PKD1L1: variants seen among roughly 807,000 people sequenced by gnomAD.
PKD1L1 encodes polycystin-1-like protein 1.
PKD1L1 carries 236 observed loss-of-function variants against 323.4 expected under a neutral mutation model. The ratio of observed to expected loss-of-function variants is 0.73; its 90% CI spans 0.66 to 0.81. PKD1L1 has a LOEUF of 0.81. PKD1L1 is among the 40% of genes least tolerant of loss of function. PKD1L1 has a pLI of 0.00. For missense variants in PKD1L1, 3,320 were observed against 3,508.0 expected (o/e 0.95, Z 1.35); for synonymous variants, 1,344 against 1,335.0 (o/e 1.01, Z -0.15).
intron 56 of PKD1L1, among the ~76,000 whole-genome samples, chr7:47,786,534 G>A (rs537164171): frequency 1.3e-5 from 2 of 152,150 alleles, no homozygotes; most frequent in Non-Finnish European, 2.9e-5. Flanking sequence ...TAGGTGCTAA[G>A]GAATTACACT....
intron 54 of PKD1L1, among the ~76,000 whole-genome samples, chr7:47,797,759 G>A (rs1299672089): frequency 6.6e-6 from 1 of 152,192 alleles, no homozygotes; most frequent in Non-Finnish European, 1.5e-5. Flanking sequence ...GAGTGGAACT[G>A]CTCATCAAGG....
chr7:47,815,945 A>G (rs1785008007), intron 46 of PKD1L1, among the ~76,000 whole-genome samples: 1 of 152,178 alleles, frequency 6.6e-6, no homozygotes, highest in Non-Finnish European at 1.5e-5. Flanking sequence ...ATGTCTAGCA[A>G]AGACCTGAAG....
chr7:47,802,083 C>T (rs6946939), intron 53 of PKD1L1, among the ~76,000 whole-genome samples: 21,129 of 150,588 alleles, frequency 0.14, 1,806 homozygotes, highest in African/African-American at 0.24. Context: ...CCCAGCTACT[C>T]GGGAGGCTGA....
intron 31 of PKD1L1, among the ~76,000 whole-genome samples, chr7:47,852,173 T>A (rs1248482685): frequency 6.6e-6 from 1 of 152,266 alleles, no homozygotes; most frequent in East Asian, 1.9e-4. Context: ...CCCACCCACA[T>A]GTGCACACCT....
the PKD1L1 span, among the ~76,000 whole-genome samples, chr7:47,954,607 A>ATT: frequency 6.6e-6 from 1 of 151,730 alleles, no homozygotes; most frequent in South Asian, 2.1e-4. Context: ...AACTGTAATT[A>ATT]CTCTTTTCTT....
the PKD1L1 span, among the ~76,000 whole-genome samples, chr7:47,957,854 TAA>T: frequency 4.1e-3 from 485 of 118,078 alleles, 8 homozygotes; most frequent in African/African-American, 0.013. Flanking sequence ...ACAATACAAT[TAA>T]AAAAAAATAT....
At chr7:47,863,999 T>C (rs1226165069) in intron 26 of PKD1L1, among the ~76,000 whole-genome samples, 1 of 152,194 alleles carries the variant, frequency 6.6e-6, no homozygotes, top group African/African-American at 2.4e-5. Flanking sequence ...TAGAGGGATT[T>C]TTTTTTAAAA....
chr7:47,883,086 C>T (rs1391232246), intron 19 of PKD1L1, among the ~76,000 whole-genome samples: 1 of 152,162 alleles, frequency 6.6e-6, no homozygotes, highest in African/African-American at 2.4e-5. Flanking sequence ...TTTCTTCATT[C>T]AGTTGTATTG....
At chr7:47,802,407 C>T (rs1784683470) in intron 53 of PKD1L1, among the ~76,000 whole-genome samples, 1 of 152,148 alleles carries the variant, frequency 6.6e-6, no homozygotes, top group South Asian at 2.1e-4. Context: ...GGTTCAAATG[C>T]TGCTCTCTCT....
In PKD1L1 at chr7:47,906,057, TC is replaced by T; in HGVS notation, c.1403-96del. 1.6e-6 allele frequency: 2 copies of T among 1,228,584 alleles called. 1 individual carries two copies. Among genetic ancestry groups the T allele is most frequent in the South Asian group, 3.9e-5 (2 of 51,020 alleles). The allele number at this position is 1,228,584 out of a possible 1,614,324, so 76.1% of individuals were successfully genotyped here. On this transcript the variant is annotated intron_variant, in intron 9 of 56. Coordinates refer to ENST00000289672, the MANE Select transcript of PKD1L1 (RefSeq NM_138295.5). ...AGTCAGTATTTTTCATTTTTAACTT[TC>T]CCCCTTTGAATCTCAATAAATTTCA...
chr7:47,907,772 A>C (rs1274059427), intron 9 of PKD1L1, among the ~76,000 whole-genome samples: 1 of 152,148 alleles, frequency 6.6e-6, no homozygotes, highest in Non-Finnish European at 1.5e-5. Flanking sequence ...AAAATCTCCC[A>C]GCCCCTTAGC....
At chr7:47,868,956 A>G (rs574414197) in intron 24 of PKD1L1, among the ~76,000 whole-genome samples, 7 of 152,232 alleles carry the variant, frequency 4.6e-5, no homozygotes, top group Non-Finnish European at 1.0e-4. Flanking sequence ...TGATAGATGT[A>G]ACATACATAA....
At chr7:47,903,365 G>A (rs1378567260) in intron 12 of PKD1L1, among the ~76,000 whole-genome samples, 1 of 152,106 alleles carries the variant, frequency 6.6e-6, no homozygotes, top group Non-Finnish European at 1.5e-5. Context: ...TGGAGGCACC[G>A]AATAAACCAT....
At chr7:47,906,862 A>T (rs898945387) in intron 9 of PKD1L1, among the ~76,000 whole-genome samples, 10 of 152,100 alleles carry the variant, frequency 6.6e-5, no homozygotes, top group African/African-American at 2.2e-4. Flanking sequence ...ATGCCTGAAA[A>T]TTAATTCTGA....
At chr7:47,835,300 G>T in intron 37 of PKD1L1, 57 bp from the exon 38 acceptor site, 1 of 1,106,850 alleles carries the variant, frequency 9.0e-7, no homozygotes, top group Non-Finnish European at 1.3e-6. Context: ...CGCTTAAAAC[G>T]CAGTCATTGT....
Position 47,839,541 on chromosome 7 carries a change from A to C in PKD1L1, c.5674T>G (p.Phe1892Val), listed in dbSNP as rs1583611123. ...VKELHTGQGW[F>V]FPAQCWLSAG... is the part of the protein sequence containing the mutation. ...GACAGCCAGCACTGGGCAGGGAAGA[A>C]CCAGCCCTGTCCCGTGTGCAGCTCC... The change falls in exon 36 of 57, where the codon TTC becomes GTC. Residue 1892 changes from phenylalanine (F) to valine (V), a missense_variant. Phe to Val is a conservative substitution (Grantham distance 50). Coordinates refer to ENST00000289672, the MANE Select transcript of PKD1L1 (RefSeq NM_138295.5). This position sits in a 1 kb window ranked among gnomAD's most constrained non-coding sequence, Gnocchi z 4.3. 6.2e-7 allele frequency: 1 copy of C among 1,610,706 alleles called. No individual in the cohort carries two copies. Among genetic ancestry groups the C allele is most frequent in the Admixed American group, 1.7e-5 (1 of 59,792 alleles).
At chr7:47,803,490 A>T in intron 52 of PKD1L1, 146 bp from the exon 53 acceptor site, 1 of 867,530 alleles carries the variant, frequency 1.2e-6, no homozygotes, top group South Asian at 1.8e-5. Flanking sequence ...CATCAAGTGC[A>T]GATGTCTGCA....
chr7:47,930,922 C>G (rs1024583663), intron 6 of PKD1L1, among the ~76,000 whole-genome samples, 182 bp downstream of exon 6: 7 of 152,194 alleles, frequency 4.6e-5, no homozygotes, highest in Admixed American at 2.6e-4. Context: ...GGCATGGGTC[C>G]CTGATGGCAA....
chr7:47,864,936 C>T (rs888220799), intron 26 of PKD1L1, among the ~76,000 whole-genome samples: 3 of 152,058 alleles, frequency 2.0e-5, no homozygotes, highest in Admixed American at 1.3e-4. Context: ...CCATGTTGGT[C>T]AGGCTGGTCT....
Sources: gnomAD v4.1 joint callset for allele counts (sites outside exome capture counted in the v4.1 genomes callset) on GRCh38, gnomAD v4.1.1 for gene constraint, Gnocchi (gnomAD v3.1) non-coding constraint, MANE v1.5 for transcripts, NCBI Gene and HGNC (gene_info 2026-07-23, HGNC 2026-07-21) for gene names.